The following NKAIN3 variants were observed in gnomAD, a reference collection of about 807,000 sequenced individuals.
NKAIN3 encodes the protein sodium/potassium-transporting ATPase subunit beta-1-interacting protein 3.
Under a neutral mutation model 30.2 loss-of-function variants are expected in NKAIN3, and 25 were observed. That is an observed-to-expected ratio of 0.83 (90% CI 0.60 to 1.16). The LOEUF is 1.16. Among genes scored for constraint, NKAIN3 ranks in the 50% most tolerant of loss-of-function variants. The probability of loss-of-function intolerance (pLI) is 0.00; values close to 1 mark genes in which losing one functional copy is unlikely to be tolerated. For missense variants in NKAIN3, 225 were observed against 254.1 expected, an observed-to-expected ratio of 0.89 and a Z score of 0.78; for synonymous variants, 91 against 89.6, an observed-to-expected ratio of 1.02 and a Z score of -0.09.
rs1022870050 is a variant in NKAIN3 at position 62,969,654 on chromosome 8, T to A, written c.*4247T>A. Among the ~76,000 whole-genome samples the A allele has an allele frequency of 6.6e-6, 1 of 152,210 alleles. No homozygotes were observed. The highest frequency in any genetic ancestry group is 6.5e-5 in the Admixed American group (1 of 15,278). On this transcript the variant is annotated 3_prime_UTR_variant, in exon 7 of 7. Transcript: ENST00000623646. The stretch of plus-strand genomic sequence containing the variant: ...AAGATACGTTCTTTCCAGGTATAGC[T>A]GAATTAAGTAGGAAAAATATAAATA...
chr8:62,603,771 T>C (rs1211607968), intron 3 of NKAIN3, among the ~76,000 whole-genome samples: 1 of 152,050 alleles, frequency 6.6e-6, no homozygotes, highest in Non-Finnish European at 1.5e-5. Context: ...TACCTTAGCA[T>C]AGGAGTCAGG....
intron 1 of NKAIN3, among the ~76,000 whole-genome samples, chr8:62,545,047 G>A (rs192199757): frequency 7.8e-4 from 119 of 152,256 alleles, no homozygotes; most frequent in African/African-American, 2.6e-3. Flanking sequence ...AAGAGGAGGA[G>A]TTGGTCTGGC....
chr8:62,948,630 G>T (rs1000372217), intron 5 of NKAIN3, among the ~76,000 whole-genome samples: 1 of 152,266 alleles, frequency 6.6e-6, no homozygotes, highest in Middle Eastern at 3.4e-3. Flanking sequence ...CAACTTTAAA[G>T]TATCTTTTCA....
At chr8:62,890,465 C>T (rs1401986037) in intron 4 of NKAIN3, among the ~76,000 whole-genome samples, 1 of 152,204 alleles carries the variant, frequency 6.6e-6, no homozygotes, top group African/African-American at 2.4e-5. Context: ...TTCTTCCTTT[C>T]AACTAACTTA....
At chr8:62,363,691 T>C (rs1816634819) in intron 1 of NKAIN3, among the ~76,000 whole-genome samples, 1 of 152,134 alleles carries the variant, frequency 6.6e-6, no homozygotes, top group Admixed American at 6.5e-5. Flanking sequence ...GGAGAAATAA[T>C]TTATACTTGG....
At chr8:62,395,239 G>A (rs866302952) in intron 1 of NKAIN3, among the ~76,000 whole-genome samples, 8 of 151,292 alleles carry the variant, frequency 5.3e-5, no homozygotes, top group Middle Eastern at 6.4e-3. Flanking sequence ...GCGGGGAGAG[G>A]TGGCCAGGCA....
rs1816138627 is a variant in NKAIN3, at chr8:62,747,981, G to T, written c.471+852G>T. Among the ~76,000 whole-genome samples the T allele has an allele frequency of 2.6e-5, 4 of 152,104 alleles. No homozygotes were observed. In the South Asian group the frequency reaches 8.3e-4, roughly 32 times the overall value. ...ATGAGTGGTTATGTCAATGAAGAAGGTACCTTGGAATTAATTCTAGAAAAT... is the reference window on the plus strand; with the variant it reads ...ATGAGTGGTTATGTCAATGAAGAAGTTACCTTGGAATTAATTCTAGAAAAT... On this transcript the variant is annotated intron_variant, in intron 4 of 6. Transcript: ENST00000623646.
At chr8:62,808,938 G>T (rs1818393548) in intron 4 of NKAIN3, among the ~76,000 whole-genome samples, 1 of 152,124 alleles carries the variant, frequency 6.6e-6, no homozygotes, top group Non-Finnish European at 1.5e-5. Context: ...GGAGACCAGG[G>T]CTTATTTCAT....
intron 4 of NKAIN3, among the ~76,000 whole-genome samples, chr8:62,810,638 GTT>G (rs3032376): frequency 6.7e-5 from 8 of 120,172 alleles, no homozygotes; most frequent in African/African-American, 2.2e-4. Flanking sequence ...TAGGTAGAAA[GTT>G]TTTTTTTTTT....
In NKAIN3 at chr8:62,669,965, A is replaced by G. The variant is rs1813247928; in HGVS notation, c.274-76967A>G. 2.6e-5 allele frequency among the ~76,000 whole-genome samples: 4 copies of G among 152,256 alleles called. No homozygotes were observed. In the South Asian group the frequency reaches 8.3e-4, roughly 32 times the overall value. Reference sequence around the variant, plus strand: ...CACCAGTTTTGTGCTTCTTGATTATAGTGGAAGCAAACTCCCAATGTTTTT... The same window carrying G: ...CACCAGTTTTGTGCTTCTTGATTATGGTGGAAGCAAACTCCCAATGTTTTT... On this transcript the variant is annotated intron_variant, in intron 3 of 6. Transcript: ENST00000623646.
At chr8:62,440,334 G>T (rs887178252) in intron 1 of NKAIN3, among the ~76,000 whole-genome samples, 1 of 152,200 alleles carries the variant, frequency 6.6e-6, no homozygotes, top group Admixed American at 6.5e-5. Flanking sequence ...CACTGGGGAT[G>T]AAAAGCTGGT....
chr8:62,439,478 A>G lies in NKAIN3; in HGVS notation c.55-140061A>G, dbSNP rs528921980. 1.5e-4 allele frequency among the ~76,000 whole-genome samples: 23 copies of G among 152,342 alleles called. No homozygotes were observed. In the South Asian group the frequency reaches 4.6e-3, roughly 30 times the overall value. ...AGCAAGAAAGCAAGTTAAAAATACCAACATCATTTTGGCTAAGGAATAGAT... is the reference window on the plus strand; with the variant it reads ...AGCAAGAAAGCAAGTTAAAAATACCGACATCATTTTGGCTAAGGAATAGAT... On this transcript the variant is annotated intron_variant, in intron 1 of 6. Coordinates refer to ENST00000623646, the MANE Select transcript of NKAIN3 (RefSeq NM_001304533.3).
At chr8:62,747,825 G>T (rs1816132610) in intron 4 of NKAIN3, among the ~76,000 whole-genome samples, 1 of 152,144 alleles carries the variant, frequency 6.6e-6, no homozygotes, top group South Asian at 2.1e-4. Flanking sequence ...TTTAGTTTGA[G>T]TCAATATCCA....
In NKAIN3 at chr8:62,966,159, T is replaced by G. The variant is rs557924670; in HGVS notation, c.*752T>G. ...CTACTCATTATTCCATTCCTGACAC[T>G]GCTGTCAGACCTAAACATACAGCTC... On this transcript the variant is annotated 3_prime_UTR_variant, in exon 7 of 7. Transcript: ENST00000623646. The G allele has an allele frequency of 1.6e-4, 162 of 985,204 alleles. 1 individual carries two copies. The African/African-American group carries it at 2.8e-3, about 17-fold the overall frequency. The allele number at this position is 985,204 out of a possible 1,614,324, so 61.0% of individuals were successfully genotyped here. A position where few individuals can be genotyped will look rare whatever the true frequency, so the allele number is the denominator to read the frequency against.
intron 1 of NKAIN3, among the ~76,000 whole-genome samples, chr8:62,500,658 A>G (rs1807419109): frequency 6.6e-6 from 1 of 152,126 alleles, no homozygotes; most frequent in Non-Finnish European, 1.5e-5. Context: ...GGACCTTGAA[A>G]CATAGGCTGT....
chr8:62,659,443 C>A (rs913596594), intron 3 of NKAIN3, among the ~76,000 whole-genome samples: 2 of 152,166 alleles, frequency 1.3e-5, no homozygotes, highest in African/African-American at 4.8e-5. Context: ...TACCTTAGAG[C>A]CTTACATACA....
At chr8:62,561,508 A>G (rs150576943) in intron 1 of NKAIN3, among the ~76,000 whole-genome samples, 1 of 152,308 alleles carries the variant, frequency 6.6e-6, no homozygotes, top group East Asian at 1.9e-4. Context: ...GTTTAATAAA[A>G]TATTTAAGCA....
intron 1 of NKAIN3, among the ~76,000 whole-genome samples, chr8:62,377,530 C>T (rs1177243946): frequency 6.6e-6 from 1 of 152,112 alleles, no homozygotes; most frequent in Non-Finnish European, 1.5e-5. Context: ...ATAATGGGCT[C>T]TAAGTGTAGC....
intron 4 of NKAIN3, among the ~76,000 whole-genome samples, chr8:62,857,714 T>A (rs1820104738): frequency 6.6e-6 from 1 of 152,228 alleles, no homozygotes; most frequent in African/African-American, 2.4e-5. Context: ...TCTCTAAACT[T>A]GCTATTTTGG....
Sources: allele counts gnomAD v4.1 joint callset (sites outside exome capture counted in the v4.1 genomes callset), GRCh38; gene constraint gnomAD v4.1.1; transcripts MANE v1.5; gene names NCBI Gene and HGNC (gene_info 2026-07-23, HGNC 2026-07-21).